ZFYVE26: variants seen among roughly 807,000 people sequenced by gnomAD.
The protein encoded by ZFYVE26 is zinc finger FYVE domain-containing protein 26.
Under a neutral mutation model 276.5 loss-of-function variants are expected in ZFYVE26, and 181 were observed. That is an observed-to-expected ratio of 0.65 (90% CI 0.58 to 0.74). The LOEUF is 0.74. ZFYVE26 is among the 30% of genes least tolerant of loss of function. The pLI, the probability that ZFYVE26 is intolerant of heterozygous loss-of-function variation, is 0.00. For missense variants in ZFYVE26, 2,821 were observed against 3,097.9 expected, an observed-to-expected ratio of 0.91 and a Z score of 2.12; for synonymous variants, 1,129 against 1,203.1, an observed-to-expected ratio of 0.94 and a Z score of 1.27.
In ZFYVE26 at chr14:67,748,200, AGAACTG is replaced by A; in HGVS notation, c.*230_*235del. On this transcript the variant is annotated 3_prime_UTR_variant, in exon 42 of 42. Coordinates refer to ENST00000347230, the MANE Select transcript of ZFYVE26 (RefSeq NM_015346.4). ...CTCACTCACTCACTCTGAGGTAGAA[AGAACTG>A]GCCATCTCCAGACAAACACACATAG... 1.7e-6 allele frequency: 1 copy of A among 580,554 alleles called. No homozygotes were observed. The highest frequency in any genetic ancestry group is 3.1e-6 in the Non-Finnish European group (1 of 324,538). 36.0% of individuals were successfully genotyped at this position (580,554 alleles called of 1,614,324 possible). A position where few individuals can be genotyped will look rare whatever the true frequency, so the allele number is the denominator to read the frequency against.
chr14:67,736,938 C>A (rs866639860), intron 13 of ZFYVE26, among the ~76,000 whole-genome samples: 1 of 152,004 alleles, frequency 6.6e-6, no homozygotes, highest in African/African-American at 2.4e-5. Flanking sequence ...TTTAAACACC[C>A]GCAGTGACCA....
intron 13 of ZFYVE26, 116 bp from the exon 14 acceptor site, chr14:67,793,875 TGTAA>T: frequency 7.2e-7 from 1 of 1,397,132 alleles, no homozygotes; most frequent in Non-Finnish European, 9.9e-7. Context: ...GTAAAAGGCC[TGTAA>T]ATAGGTCTTA....
chr14:67,754,985 T>A (rs1049894049), intron 37 of ZFYVE26, 66 bp downstream of exon 37: 22 of 1,547,850 alleles, frequency 1.4e-5, no homozygotes, highest in Non-Finnish European at 1.3e-5. Flanking sequence ...AGTAGCTTCA[T>A]CACCTACAGA....
chr14:67,733,656 C>A, intron 13 of ZFYVE26: 2 of 829,790 alleles, frequency 2.4e-6, no homozygotes, highest in Non-Finnish European at 4.1e-6. Flanking sequence ...GTATTTTATT[C>A]ATTTAGAAAC....
chr14:67,755,992 TC>T lies in ZFYVE26; in HGVS notation c.6741del (p.Lys2248ArgfsTer14). 6.2e-7 allele frequency: 1 copy of T among 1,614,250 alleles called. No homozygotes were observed. The highest frequency in any genetic ancestry group is 8.5e-7 in the Non-Finnish European group (1 of 1,180,048). On this transcript the variant is annotated frameshift_variant, in exon 36 of 42. Coordinates refer to ENST00000347230, the MANE Select transcript of ZFYVE26 (RefSeq NM_015346.4). LOFTEE classifies it high-confidence loss of function. ...YLIAACQHLQ[K>X]KNYYHILYEL... ...TCATACAGAATGTGGTAGTAGTTCTTCTTCTGTAAATGTTGGCAGGCAGCAA... is the reference window on the plus strand; with the variant it reads ...TCATACAGAATGTGGTAGTAGTTCTTTTCTGTAAATGTTGGCAGGCAGCAA...
At chr14:67,753,113 T>G (rs1466130937) in intron 39 of ZFYVE26, among the ~76,000 whole-genome samples, 1 of 152,140 alleles carries the variant, frequency 6.6e-6, no homozygotes, top group Non-Finnish European at 1.5e-5. Context: ...ATGAAGCCAT[T>G]GATCACTGAC....
rs370830622 is a variant in ZFYVE26, at chr14:67,809,186, G to C, written c.363+14C>G. The C allele has an allele frequency of 7.5e-5, 121 of 1,610,658 alleles. No homozygotes were observed. Among genetic ancestry groups the C allele is most frequent in the Non-Finnish European group, 9.5e-5 (112 of 1,177,088 alleles). On this transcript the variant is annotated intron_variant, in intron 4 of 41. Transcript: ENST00000347230. ...TGTCAACCCTGGGCAGATGGTACCA[G>C]GGCTCTCTCTCACCTCGAGGATGTT...
At chr14:67,814,412 G>A (rs934554762) in intron 2 of ZFYVE26, among the ~76,000 whole-genome samples, 1 of 152,022 alleles carries the variant, frequency 6.6e-6, no homozygotes, top group East Asian at 1.9e-4. Flanking sequence ...CCAGCTACTC[G>A]GGAGGCTGAG....
chr14:67,799,166 C>A, intron 10 of ZFYVE26: 2 of 1,572,200 alleles, frequency 1.3e-6, no homozygotes, highest in Non-Finnish European at 1.8e-6. Context: ...AGAGGACATT[C>A]AAGCTTTTGA....
chr14:67,778,155 C>T lies in ZFYVE26; in HGVS notation c.4768G>A (p.Glu1590Lys). The T allele has an allele frequency of 6.2e-7, 1 of 1,614,194 alleles. No individual in the cohort carries two copies. Among genetic ancestry groups the T allele is most frequent in the Non-Finnish European group, 8.5e-7 (1 of 1,180,028 alleles). Residue 1590 changes from glutamate (E) to lysine (K), a missense_variant, in exon 24 of 42, where the codon GAA (glutamate) becomes AAA (lysine). Glu to Lys is a moderately conservative substitution (Grantham distance 56, BLOSUM62 1). Coordinates refer to ENST00000347230, the MANE Select transcript of ZFYVE26 (RefSeq NM_015346.4). ...AGAGCCTTGTCATGATCTCTTCTTT[C>T]TAGAAGGTGGAGAAGATGCTTTTGA... is the stretch of plus-strand genomic sequence containing the variant. ...LHQKHLLHLL[E>K]RRDHDKALQL...
At chr14:67,731,448 C>G (rs2038273914) in intron 13 of ZFYVE26, among the ~76,000 whole-genome samples, 2 of 151,932 alleles carry the variant, frequency 1.3e-5, no homozygotes, top group African/African-American at 4.8e-5. Flanking sequence ...CTCCTGACCT[C>G]AAGTGATCCG....
intron 3 of ZFYVE26, among the ~76,000 whole-genome samples, chr14:67,809,526 G>A (rs2040255206): frequency 6.7e-6 from 1 of 149,190 alleles, no homozygotes; most frequent in African/African-American, 2.5e-5. Flanking sequence ...AGCTTCAAGC[G>A]ATTCTCAGGC....
intron 23 of ZFYVE26, 110 bp downstream of exon 23, chr14:67,780,131 A>G: frequency 9.2e-7 from 1 of 1,087,148 alleles, no homozygotes; most frequent in East Asian, 2.6e-5. Context: ...TGGTATAGTT[A>G]TTTTTTTAAA....
At chr14:67,751,178 G>A (rs955326954) in intron 40 of ZFYVE26, 82 bp from the exon 41 acceptor site, 19 of 1,510,734 alleles carry the variant, frequency 1.3e-5, no homozygotes, top group Non-Finnish European at 1.7e-5. Context: ...CCTCAGCCCA[G>A]CCATTCTGAC....
Position 67,789,405 on chromosome 14 carries a change from C to G in ZFYVE26, c.2949G>C (p.Gln983His). 2 of 1,614,208 alleles carry G rather than the reference C, an allele frequency of 1.2e-6. No individual in the cohort carries two copies. The highest frequency in any genetic ancestry group is 1.7e-6 in the Non-Finnish European group (2 of 1,180,038). Residue 983 changes from glutamine (Q) to histidine (H), a missense_variant, in exon 16 of 42, where the codon CAG (glutamine) becomes CAC (histidine). Coordinates refer to ENST00000347230, the MANE Select transcript of ZFYVE26 (RefSeq NM_015346.4). ...AAAGCTGCTTGCAGGTTTTCCAGAGCTGGCACTGAGAGCAAGCTAGGTCAA... is the reference window on the plus strand; with the variant it reads ...AAAGCTGCTTGCAGGTTTTCCAGAGGTGGCACTGAGAGCAAGCTAGGTCAA... ...AAFDLACSQCQLWKTCKQLLE... is the reference protein window; with the variant it reads ...AAFDLACSQCHLWKTCKQLLE...
intron 12 of ZFYVE26, chr14:67,797,183 G>A (rs190010352): frequency 5.2e-6 from 1 of 193,964 alleles, no homozygotes; most frequent in African/African-American, 2.4e-5. Context: ...ATATAGATCT[G>A]ACCTAGTAAT....
rs1368377827 is a variant in ZFYVE26, at chr14:67,767,712, A to G, written c.5782T>C (p.Tyr1928His). The change falls in exon 31 of 42, where the codon TAT (tyrosine) becomes CAT (histidine). Residue 1928 changes from tyrosine to histidine, a missense_variant. By Grantham distance (83) the Tyr-to-His change is moderately conservative. Transcript: ENST00000347230. ...CATTTTATTGCTATTACCTGCTCAT[A>G]GTAAAATTCACTCCGCACCAGCTCA... ...ENELVRSEFY[Y>H]EQAPSASLCI... 2 of 1,614,050 alleles carry G rather than the reference A, an allele frequency of 1.2e-6. No individual in the cohort carries two copies. Among genetic ancestry groups the G allele is most frequent in the Non-Finnish European group, 1.7e-6 (2 of 1,180,046 alleles).
rs771230746 is a variant in ZFYVE26 at position 67,807,581 on chromosome 14, C to G, written c.703G>C (p.Glu235Gln). ...AGTTCCTCACACAGGAGATGCAACT[C>G]AACCCCAAGTGGTTCTGCGGGGCAA... ...LRCPAEPLGVELHLLCEELLE... is the reference protein window; with the variant it reads ...LRCPAEPLGVQLHLLCEELLE... Residue 235 changes from glutamate (E) to glutamine (Q), a missense_variant, in exon 5 of 42, where the codon GAG becomes CAG. Transcript: ENST00000347230. 1.9e-6 allele frequency: 3 copies of G among 1,614,228 alleles called. No individual in the cohort carries two copies. In the African/African-American group the frequency reaches 4.0e-5, roughly 22 times the overall value.
At position 67,772,477 on chromosome 14, in the gene ZFYVE26, G is replaced by A. The variant is rs555141127; in HGVS notation, c.5321-267C>T. Among the ~76,000 whole-genome samples the A allele has an allele frequency of 1.2e-4, 19 of 152,316 alleles. No homozygotes were observed. The East Asian group carries it at 3.7e-3, about 29-fold the overall frequency. ...GTCCAGCTTCTAGACCTAACTACAA[G>A]TGTCCTGGAAATTCTGGGGATGAAG... On this transcript the variant is annotated intron_variant, in intron 27 of 41. Transcript: ENST00000347230.
Sources: allele counts gnomAD v4.1 joint callset (sites outside exome capture counted in the v4.1 genomes callset), GRCh38; gene constraint gnomAD v4.1.1; transcripts MANE v1.5; gene names NCBI Gene and HGNC (gene_info 2026-07-23, HGNC 2026-07-21).